CRACD: variants seen among roughly 807,000 people sequenced by gnomAD.
The protein encoded by CRACD is capping protein inhibiting regulator of actin dynamics.
CRACD carries 56 observed loss-of-function variants against 106.8 expected under a neutral mutation model. That is an observed-to-expected ratio of 0.52 (90% CI 0.42 to 0.66). The LOEUF is 0.66. CRACD is among the 30% of genes least tolerant of loss of function. The pLI, the probability that CRACD is intolerant of heterozygous loss-of-function variation, is 0.00. For synonymous variants in CRACD, 754 were observed against 670.8 expected (o/e 1.12, Z -1.92); for missense variants, 1,730 against 1,623.2 (o/e 1.07, Z -1.13).
At chr4:56,316,966 G>A (rs1418188798) in intron 8 of CRACD, among the ~76,000 whole-genome samples, 1 of 152,122 alleles carries the variant, frequency 6.6e-6, no homozygotes, top group African/African-American at 2.4e-5. Flanking sequence ...CACGTAGGTC[G>A]TGATAAATGA....
chr4:56,176,871 T>C (rs1026984155), intron 1 of CRACD, among the ~76,000 whole-genome samples: 7 of 152,252 alleles, frequency 4.6e-5, no homozygotes, highest in African/African-American at 1.7e-4. Context: ...GATTGTTAAC[T>C]GTTGGCATAT....
At chr4:56,093,437 AG>A (rs1733494314) in intron 1 of CRACD, among the ~76,000 whole-genome samples, 1 of 152,192 alleles carries the variant, frequency 6.6e-6, no homozygotes, top group Non-Finnish European at 1.5e-5. Flanking sequence ...GGTCTTTATT[AG>A]ATGATGAATA....
rs556841796 is a variant in CRACD, at chr4:56,298,053, C to G, written c.-16-161C>G. On this transcript the variant is annotated intron_variant, in intron 3 of 10. Transcript: ENST00000682029. ...GATGGGGACCCTTTTGTCTACCCAG[C>G]TCCTTGGCTGACCCCCAGCAGACAG... is the stretch of plus-strand genomic sequence containing the variant. 487 of 691,004 alleles carry G rather than the reference C, an allele frequency of 7.0e-4. 11 individuals carry two copies. The South Asian group carries it at 9.2e-3, about 13-fold the overall frequency. The allele number at this position is 691,004 out of a possible 1,614,324, so 42.8% of individuals were successfully genotyped here. A position where few individuals can be genotyped will look rare whatever the true frequency, so the allele number is the denominator to read the frequency against.
intron 2 of CRACD, among the ~76,000 whole-genome samples, chr4:56,203,175 G>A (rs1737962419): frequency 6.6e-6 from 1 of 152,222 alleles, no homozygotes; most frequent in South Asian, 2.1e-4. Flanking sequence ...AGACATGTCT[G>A]TAATCTAGCC....
intron 2 of CRACD, among the ~76,000 whole-genome samples, chr4:56,245,102 A>G (rs937953162): frequency 2.6e-5 from 4 of 152,226 alleles, no homozygotes; most frequent in Admixed American, 6.5e-5. Context: ...AGCTGCCTTC[A>G]TCTAGAAATG....
chr4:56,303,631 C>A (rs1416807865), intron 4 of CRACD, among the ~76,000 whole-genome samples: 8 of 152,210 alleles, frequency 5.3e-5, no homozygotes, highest in Non-Finnish European at 1.0e-4. Context: ...ATAAATCACA[C>A]AAAATGTCCT....
At chr4:56,192,542 T>A (rs1737426180) in intron 2 of CRACD, among the ~76,000 whole-genome samples, 1 of 152,134 alleles carries the variant, frequency 6.6e-6, no homozygotes, top group Non-Finnish European at 1.5e-5. Context: ...TGTGAAGACT[T>A]GTGGGAAGAG....
chr4:56,136,529 C>T (rs865899640), intron 1 of CRACD, among the ~76,000 whole-genome samples: 1 of 152,046 alleles, frequency 6.6e-6, no homozygotes, highest in African/African-American at 2.4e-5. Context: ...AACATCTTTT[C>T]GTGTACTTGT....
intron 1 of CRACD, among the ~76,000 whole-genome samples, chr4:56,104,803 T>G (rs1012273400): frequency 6.6e-6 from 1 of 151,850 alleles, no homozygotes; most frequent in African/African-American, 2.4e-5. Context: ...CTGTCTCTAC[T>G]AAAAATACAA....
intron 1 of CRACD, among the ~76,000 whole-genome samples, chr4:56,080,402 C>T (rs1406294667): frequency 6.6e-6 from 1 of 152,166 alleles, no homozygotes. Flanking sequence ...ACCAAGTACA[C>T]ACAATCAGAT....
At chr4:56,182,861 A>ATGTGTG (rs763638808) in intron 2 of CRACD, among the ~76,000 whole-genome samples, 6,055 of 101,856 alleles carry the variant, frequency 0.059, 334 homozygotes, top group African/African-American at 0.18. Flanking sequence ...GAAAAAAAAG[A>ATGTGTG]TATGTGTGTG....
chr4:56,225,842 G>C (rs1222296583), intron 2 of CRACD, among the ~76,000 whole-genome samples: 1 of 152,164 alleles, frequency 6.6e-6, no homozygotes, highest in Non-Finnish European at 1.5e-5. Flanking sequence ...AATAATTTTT[G>C]AGATATTACT....
chr4:56,307,979 C>T (rs1423775303), intron 5 of CRACD, among the ~76,000 whole-genome samples: 1 of 152,230 alleles, frequency 6.6e-6, no homozygotes, highest in Non-Finnish European at 1.5e-5. Flanking sequence ...TACCTGGCCT[C>T]ACCCCAAGCT....
At chr4:56,214,993 C>G (rs372968521) in intron 2 of CRACD, among the ~76,000 whole-genome samples, 1 of 151,846 alleles carries the variant, frequency 6.6e-6, no homozygotes, top group South Asian at 2.1e-4. Context: ...GTGCAAGACT[C>G]CATCTCAAAG....
In CRACD at chr4:56,315,033, G is replaced by T. The variant is rs766342310; in HGVS notation, c.1531G>T (p.Ala511Ser). 44 of 1,597,936 alleles carry T rather than the reference G, an allele frequency of 2.8e-5. No individual in the cohort carries two copies. The highest frequency in any genetic ancestry group is 2.0e-4 in the South Asian group (18 of 88,062). ...GCCTCCGGTGGAGAGGAAAGAAGCC[G>T]CCGCCCTTGAACAAGGCCGCAAGGT... ...AQPPVERKEA[A>S]ALEQGRKVEE... Residue 511 changes from alanine to serine, a missense_variant, in exon 8 of 11, where the codon GCC becomes TCC. Around this residue, in one of 5 missense-constraint regions of CRACD, gnomAD observed 1,620 missense variants for 1,481.6 expected, o/e 1.09. Transcript: ENST00000682029. The surrounding 1 kb of genome is among the most constrained non-coding windows in gnomAD (Gnocchi z 4.1).
chr4:56,272,984 G>A (rs1365128627), intron 3 of CRACD, among the ~76,000 whole-genome samples: 1 of 151,844 alleles, frequency 6.6e-6, no homozygotes, highest in Non-Finnish European at 1.5e-5. Context: ...AAGTCACCTT[G>A]GGGAGTTATC....
At chr4:56,086,570 C>T (rs746506060) in intron 1 of CRACD, among the ~76,000 whole-genome samples, 1 of 152,136 alleles carries the variant, frequency 6.6e-6, no homozygotes, top group Non-Finnish European at 1.5e-5. Flanking sequence ...CCGGACACCT[C>T]CTTCACTTTC....
chr4:56,068,583 AT>A (rs1732535304), intron 1 of CRACD, among the ~76,000 whole-genome samples: 2 of 152,176 alleles, frequency 1.3e-5, no homozygotes, highest in South Asian at 4.1e-4. Flanking sequence ...ACTTAGAAGG[AT>A]ACTGGCAGCT....
chr4:56,171,431 A>G (rs1330516097), intron 1 of CRACD, among the ~76,000 whole-genome samples: 2 of 152,228 alleles, frequency 1.3e-5, no homozygotes, highest in African/African-American at 2.4e-5. Context: ...AGTTAGCAGC[A>G]TCATAGATTA....
Sources: gnomAD v4.1 joint callset for allele counts (sites outside exome capture counted in the v4.1 genomes callset) on GRCh38, gnomAD v4.1.1 for gene constraint, gnomAD v4.1.1 regional missense constraint, Gnocchi (gnomAD v3.1) non-coding constraint, MANE v1.5 for transcripts, NCBI Gene and HGNC (gene_info 2026-07-23, HGNC 2026-07-21) for gene names.